Variants in PPFIA2 observed in about 807,000 individuals in gnomAD.
PPFIA2 encodes liprin-alpha-2.
In PPFIA2, 46 loss-of-function variants were observed where a neutral mutation model predicts 175.5. The ratio of observed to expected loss-of-function variants is 0.26; its 90% CI spans 0.21 to 0.34. PPFIA2 has a LOEUF of 0.34. PPFIA2 is among the 10% of genes least tolerant of loss of function. The probability of loss-of-function intolerance (pLI) is 1.00; values close to 1 mark genes in which losing one functional copy is unlikely to be tolerated. For missense variants in PPFIA2, 1,179 were observed against 1,506.1 expected (o/e 0.78, Z 3.60); for synonymous variants, 568 against 511.4 (o/e 1.11, Z -1.49).
intron 4 of PPFIA2, among the ~76,000 whole-genome samples, chr12:81,475,451 T>A (rs749489923): frequency 1.3e-5 from 2 of 151,618 alleles, no homozygotes; most frequent in Non-Finnish European, 3.0e-5. Flanking sequence ...TTTTATATAA[T>A]GTGTTTTATA....
intron 24 of PPFIA2, among the ~76,000 whole-genome samples, chr12:81,293,286 T>G (rs2045539388): frequency 6.6e-6 from 1 of 152,170 alleles, no homozygotes; most frequent in Middle Eastern, 3.4e-3. Flanking sequence ...TGGGAGTTTT[T>G]GGGAATTTGT....
At chr12:81,753,911 A>T (rs1456473620) in intron 3 of PPFIA2, 62 bp downstream of exon 3, 6 of 1,576,152 alleles carry the variant, frequency 3.8e-6, no homozygotes, top group East Asian at 4.5e-5. Flanking sequence ...GAATGGGAGT[A>T]AAGTGAATCT....
At chr12:81,385,325 A>T (rs551347281) in intron 8 of PPFIA2, among the ~76,000 whole-genome samples, 1 of 152,274 alleles carries the variant, frequency 6.6e-6, no homozygotes, top group South Asian at 2.1e-4. Flanking sequence ...CAAAATTATC[A>T]TATGATCCAG....
chr12:81,343,614 G>A (rs948067719), intron 19 of PPFIA2, among the ~76,000 whole-genome samples: 20 of 151,986 alleles, frequency 1.3e-4, no homozygotes, highest in Admixed American at 6.6e-5. Context: ...AAGATGCTGA[G>A]GAATAGATTT....
intron 8 of PPFIA2, among the ~76,000 whole-genome samples, chr12:81,385,688 G>T (rs1224299493): frequency 6.6e-6 from 1 of 152,128 alleles, no homozygotes; most frequent in East Asian, 1.9e-4. Flanking sequence ...AAGAATGGTG[G>T]TTGCCAGAGG....
chr12:81,739,496 C>T (rs2082071162), intron 3 of PPFIA2, among the ~76,000 whole-genome samples: 1 of 151,870 alleles, frequency 6.6e-6, no homozygotes, highest in East Asian at 1.9e-4. Context: ...ATATTTAGAA[C>T]TGATTTTATC....
At chr12:81,715,932 TCA>T (rs2078558740) in intron 3 of PPFIA2, among the ~76,000 whole-genome samples, 1 of 151,566 alleles carries the variant, frequency 6.6e-6, no homozygotes, top group South Asian at 2.1e-4. Flanking sequence ...AAATTTTAAC[TCA>T]CAGTTCAATT....
At chr12:81,606,089 T>C (rs2060284594) in intron 4 of PPFIA2, among the ~76,000 whole-genome samples, 1 of 151,948 alleles carries the variant, frequency 6.6e-6, no homozygotes, top group Admixed American at 6.6e-5. Flanking sequence ...TCTGTTTGTG[T>C]GCTAATTCAC....
chr12:81,446,988 T>C (rs2051403616), intron 5 of PPFIA2, among the ~76,000 whole-genome samples: 1 of 151,990 alleles, frequency 6.6e-6, no homozygotes, highest in Admixed American at 6.6e-5. Flanking sequence ...AATCAGTAGA[T>C]AAGAGTCACA....
intron 21 of PPFIA2, among the ~76,000 whole-genome samples, chr12:81,335,727 A>T (rs2057005743): frequency 6.7e-6 from 1 of 149,782 alleles, no homozygotes; most frequent in South Asian, 2.1e-4. Flanking sequence ...TGGGTGACAG[A>T]GTGAAATTCT....
At chr12:81,393,927 T>C in intron 8 of PPFIA2, among the ~76,000 whole-genome samples, 1 of 152,030 alleles carries the variant, frequency 6.6e-6, no homozygotes, top group Non-Finnish European at 1.5e-5. Flanking sequence ...GGAACTAGTT[T>C]GGAAAAACTA....
intron 4 of PPFIA2, among the ~76,000 whole-genome samples, chr12:81,578,832 T>C (rs1380112471): frequency 6.6e-6 from 1 of 151,848 alleles, no homozygotes; most frequent in Non-Finnish European, 1.5e-5. Flanking sequence ...TTGTCTGCTC[T>C]GGGCTGATTT....
intron 7 of PPFIA2, among the ~76,000 whole-genome samples, chr12:81,435,683 T>C (rs1004635005): frequency 6.6e-6 from 1 of 152,146 alleles, no homozygotes; most frequent in East Asian, 1.9e-4. Context: ...ATAAACTGTA[T>C]GGTCTTTTCA....
chr12:81,557,770 G>A lies in PPFIA2; in HGVS notation c.304-99904C>T, dbSNP rs1218778345. On this transcript the variant is annotated intron_variant, in intron 4 of 32. Coordinates refer to ENST00000549396, the MANE Select transcript of PPFIA2 (RefSeq NM_003625.5). The stretch of plus-strand genomic sequence containing the variant: ...AGTTAAATACTTTCAGATTATAACT[G>A]AGCCTTCTCAAATTAAATGGCATTT... Among the ~76,000 whole-genome samples the A allele has an allele frequency of 4.0e-4, 61 of 152,150 alleles. 1 individual carries two copies. The highest frequency in any genetic ancestry group is 3.9e-3 in the Admixed American group (60 of 15,266).
chr12:81,338,449 T>A (rs1278986891), intron 21 of PPFIA2, among the ~76,000 whole-genome samples: 1 of 152,104 alleles, frequency 6.6e-6, no homozygotes. Flanking sequence ...ATTTAAGTAG[T>A]ACCATTTCAA....
rs907190840 is a variant in PPFIA2, at chr12:81,325,647, A to G, written c.2642+130T>C. 8 of 614,028 alleles carry G rather than the reference A, an allele frequency of 1.3e-5. No homozygotes were observed. In the African/African-American group the frequency reaches 1.5e-4, roughly 11 times the overall value. The allele number at this position is 614,028 out of a possible 1,614,324, so 38.0% of individuals were successfully genotyped here. On this transcript the variant is annotated intron_variant, in intron 22 of 32. Transcript: ENST00000549396. ...AGGAAACATAAGCCCTGAGTGTTTTAGGTAGTATCTGGAAAATATTGGCTT... is the reference window on the plus strand; with the variant it reads ...AGGAAACATAAGCCCTGAGTGTTTTGGGTAGTATCTGGAAAATATTGGCTT...
chr12:81,653,041 C>T (rs549360794), intron 4 of PPFIA2, among the ~76,000 whole-genome samples: 9 of 152,162 alleles, frequency 5.9e-5, no homozygotes, highest in African/African-American at 1.7e-4. Context: ...ATTCACTTCC[C>T]TACTGCTATG....
At chr12:81,283,304 C>A (rs895611636) in intron 25 of PPFIA2, among the ~76,000 whole-genome samples, 1 of 151,120 alleles carries the variant, frequency 6.6e-6, no homozygotes, top group Non-Finnish European at 1.5e-5. Flanking sequence ...TCATTACAAA[C>A]CTTTTTTTAA....
At chr12:81,714,280 C>T (rs1326571343) in intron 3 of PPFIA2, among the ~76,000 whole-genome samples, 1 of 150,710 alleles carries the variant, frequency 6.6e-6, no homozygotes, top group Non-Finnish European at 1.5e-5. Flanking sequence ...TAAGTGCTGG[C>T]TGATATATTT....
Sources: allele counts gnomAD v4.1 joint callset (sites outside exome capture counted in the v4.1 genomes callset), GRCh38; gene constraint gnomAD v4.1.1; transcripts MANE v1.5; gene names NCBI Gene and HGNC (gene_info 2026-07-23, HGNC 2026-07-21).